The following ATXN1 variants were observed in gnomAD, a reference collection of about 807,000 sequenced individuals.
ATXN1 encodes ataxin-1.
A neutral mutation model predicts 56.4 loss-of-function variants in ATXN1; 8 were observed. The ratio of observed to expected loss-of-function variants is 0.14; its 90% CI spans 0.08 to 0.26. The LOEUF (loss-of-function observed/expected upper bound fraction) is 0.26. Ranked by LOEUF, ATXN1 falls within the 10% of genes least tolerant of loss-of-function variation. The pLI is 1.00. For missense variants in ATXN1, 987 were observed against 1,106.5 expected, an observed-to-expected ratio of 0.89 and a Z score of 1.53; for synonymous variants, 514 against 494.6, an observed-to-expected ratio of 1.04 and a Z score of -0.52.
intron 6 of ATXN1, among the ~76,000 whole-genome samples, chr6:16,412,322 T>C (rs1273512466): frequency 6.6e-6 from 1 of 152,206 alleles, no homozygotes; most frequent in Non-Finnish European, 1.5e-5. Context: ...TAACAGACTG[T>C]CTTGGACAGC....
Position 16,326,621 on chromosome 6 carries a change from C to G in ATXN1, c.1690G>C (p.Ala564Pro). The G allele has an allele frequency of 6.2e-7, 1 of 1,614,060 alleles. No homozygotes were observed. Among genetic ancestry groups the G allele is most frequent in the Non-Finnish European group, 8.5e-7 (1 of 1,180,038 alleles). The change falls in exon 7 of 8, where the codon GCG becomes CCG. Residue 564 changes from alanine (A) to proline (P), a missense_variant. Physicochemically the swap from Ala to Pro is conservative, Grantham distance 27. Coordinates refer to ENST00000436367, the MANE Select transcript of ATXN1 (RefSeq NM_001128164.2). The surrounding 1 kb of genome is among the most constrained non-coding windows in gnomAD (Gnocchi z 6.6). ...GGAGGCAGCGTAGGGGGAGCCGCCG[C>G]CGGGGAGGCCACGGACTGCACCACA... ...LPVVQSVASP[A>P]AAPPTLPPYF...
intron 6 of ATXN1, among the ~76,000 whole-genome samples, chr6:16,376,103 A>G (rs757539962): frequency 1.3e-5 from 2 of 152,260 alleles, no homozygotes; most frequent in Non-Finnish European, 2.9e-5. Flanking sequence ...GGAAAAATGT[A>G]AATGATTCAA....
chr6:16,477,459 T>C (rs1228295888), intron 6 of ATXN1, among the ~76,000 whole-genome samples: 1 of 152,218 alleles, frequency 6.6e-6, no homozygotes, highest in African/African-American at 2.4e-5. Flanking sequence ...GATTACAAAG[T>C]GAGCCATATT....
chr6:16,413,149 A>T (rs1404796233), intron 6 of ATXN1, among the ~76,000 whole-genome samples: 2 of 152,218 alleles, frequency 1.3e-5, no homozygotes, highest in African/African-American at 4.8e-5. Flanking sequence ...TGCATATTTT[A>T]TATTTAATCC....
intron 2 of ATXN1, among the ~76,000 whole-genome samples, chr6:16,696,627 G>C (rs1759171122): frequency 6.6e-6 from 1 of 152,072 alleles, no homozygotes; most frequent in Non-Finnish European, 1.5e-5. Context: ...CTTTACTAGA[G>C]AAATATGGAA....
intron 4 of ATXN1, among the ~76,000 whole-genome samples, chr6:16,550,756 C>T (rs1030359025): frequency 8.5e-5 from 13 of 152,302 alleles, no homozygotes; most frequent in African/African-American, 3.1e-4. Flanking sequence ...TAGTATGACA[C>T]AGTCTGTATT....
chr6:16,533,630 A>C (rs1761544793), intron 4 of ATXN1, among the ~76,000 whole-genome samples: 2 of 152,218 alleles, frequency 1.3e-5, no homozygotes, highest in African/African-American at 4.8e-5. Flanking sequence ...AAGGGCAAAG[A>C]GGTAAAAGAA....
At chr6:16,721,420 A>T (rs992552612) in intron 2 of ATXN1, among the ~76,000 whole-genome samples, 1 of 152,142 alleles carries the variant, frequency 6.6e-6, no homozygotes, top group Non-Finnish European at 1.5e-5. Context: ...GAGGCCAGGG[A>T]GTTCGAGACC....
chr6:16,633,029 AAT>A (rs1749568104), intron 3 of ATXN1, among the ~76,000 whole-genome samples: 1 of 152,160 alleles, frequency 6.6e-6, no homozygotes, highest in Non-Finnish European at 1.5e-5. Context: ...AAGAAATGAA[AAT>A]GTGAAATTGT....
chr6:16,754,171 T>C (rs1760814111), intron 1 of ATXN1: 1 of 152,176 alleles, frequency 6.6e-6, no homozygotes, highest in Non-Finnish European at 1.5e-5. Flanking sequence ...ATTATATTCT[T>C]AAATACCGGT....
At chr6:16,636,098 C>T (rs912941550) in intron 3 of ATXN1, among the ~76,000 whole-genome samples, 1 of 152,180 alleles carries the variant, frequency 6.6e-6, no homozygotes, top group African/African-American at 2.4e-5. Flanking sequence ...TCCCCATGAC[C>T]TGCCTCCCTT....
At chr6:16,462,288 C>T (rs1224848830) in intron 6 of ATXN1, among the ~76,000 whole-genome samples, 4 of 152,246 alleles carry the variant, frequency 2.6e-5, no homozygotes, top group South Asian at 2.1e-4. Flanking sequence ...CCTGAAGAAC[C>T]TGTAGGACCA....
intron 6 of ATXN1, among the ~76,000 whole-genome samples, chr6:16,481,040 C>G (rs1309211743): frequency 6.6e-6 from 1 of 152,112 alleles, no homozygotes; most frequent in East Asian, 1.9e-4. Flanking sequence ...AGAAGCCATT[C>G]AAGGAAGTCT....
rs1444133579 is a variant in ATXN1 at position 16,367,362 on chromosome 6, T to TCTCACA, written c.-160-38893_-160-38892insTGTGAG. Among the ~76,000 whole-genome samples, 4 of 144,548 alleles carry TCTCACA rather than the reference T, an allele frequency of 2.8e-5. 1 individual carries two copies. The highest frequency in any genetic ancestry group is 2.0e-4 in the East Asian group (1 of 4,966). 94.8% of individuals were successfully genotyped at this position (144,548 alleles called of 152,430 possible). Reference sequence around the variant, plus strand: ...CTCTCTCTCTCTCTCTCTCTCTCTCTCACACACACACACACACACACACAT... The same window carrying TCTCACA: ...CTCTCTCTCTCTCTCTCTCTCTCTCTCTCACACACACACACACACACACACACACAT... On this transcript the variant is annotated intron_variant, in intron 6 of 7. Coordinates refer to ENST00000436367, the MANE Select transcript of ATXN1 (RefSeq NM_001128164.2).
At chr6:16,757,891 G>T (rs887491322) in intron 1 of ATXN1, among the ~76,000 whole-genome samples, 3 of 151,958 alleles carry the variant, frequency 2.0e-5, no homozygotes, top group African/African-American at 7.3e-5. Context: ...TATCAGTGGT[G>T]CCCTAATGCA....
At chr6:16,567,385 A>G (rs984476759) in intron 4 of ATXN1, among the ~76,000 whole-genome samples, 1 of 152,224 alleles carries the variant, frequency 6.6e-6, no homozygotes, top group South Asian at 2.1e-4. Context: ...GTATTCACTA[A>G]ATTTTAACTA....
chr6:16,631,472 A>G (rs1035010691), intron 3 of ATXN1, among the ~76,000 whole-genome samples: 19 of 152,228 alleles, frequency 1.2e-4, no homozygotes, highest in African/African-American at 4.3e-4. Flanking sequence ...AGCTCTTGAT[A>G]TGGTGCAAAG....
At chr6:16,601,319 A>C (rs896647245) in intron 3 of ATXN1, among the ~76,000 whole-genome samples, 1 of 152,244 alleles carries the variant, frequency 6.6e-6, no homozygotes, top group African/African-American at 2.4e-5. Context: ...TGAAATTCTT[A>C]TTTAAGTATG....
At chr6:16,453,400 G>A (rs1438567684) in intron 6 of ATXN1, among the ~76,000 whole-genome samples, 2 of 152,156 alleles carry the variant, frequency 1.3e-5, no homozygotes, top group Non-Finnish European at 2.9e-5. Context: ...GGCAGAGGTT[G>A]AAGTGAGCCA....
Sources: gnomAD v4.1 joint callset for allele counts (sites outside exome capture counted in the v4.1 genomes callset) on GRCh38, gnomAD v4.1.1 for gene constraint, Gnocchi (gnomAD v3.1) non-coding constraint, MANE v1.5 for transcripts, NCBI Gene and HGNC (gene_info 2026-07-23, HGNC 2026-07-21) for gene names.